The following TENT4B variants were observed in gnomAD, a reference collection of about 807,000 sequenced individuals.
TENT4B encodes terminal nucleotidyltransferase 4B, also known as PAP associated domain containing 5.
A neutral mutation model predicts 75.0 loss-of-function variants in TENT4B; 10 were observed. That is an observed-to-expected ratio of 0.13 (90% confidence interval 0.08 to 0.23). The LOEUF is 0.23. Ranked by LOEUF, TENT4B falls within the 10% of genes least tolerant of loss-of-function variation. The probability of loss-of-function intolerance (pLI) is 1.00; values close to 1 mark genes in which losing one functional copy is unlikely to be tolerated. For missense variants in TENT4B, 579 were observed against 893.8 expected (o/e 0.65, Z 4.49); for synonymous variants, 350 against 357.7 (o/e 0.98, Z 0.24).
chr16:50,177,864 C>T (rs1203170890), intron 1 of TENT4B, among the ~76,000 whole-genome samples: 1 of 152,038 alleles, frequency 6.6e-6, no homozygotes, highest in Non-Finnish European at 1.5e-5. Flanking sequence ...ACAGTTAACA[C>T]TGTACAATTT....
rs367717275 is a variant in TENT4B at position 50,229,999 on chromosome 16, A to T, written c.*671A>T. The stretch of plus-strand genomic sequence containing the variant: ...CATATATAGGGAAGTGATTAGTTCT[A>T]TTACTCAATTTGTTTTTCTCAGCAT... On this transcript the variant is annotated 3_prime_UTR_variant, in exon 12 of 12. Coordinates refer to ENST00000561678, the MANE Select transcript of TENT4B (RefSeq NM_001365324.3). The T allele has an allele frequency of 6.1e-6, 6 of 977,524 alleles. No homozygotes were observed. Among genetic ancestry groups the T allele is most frequent in the East Asian group, 1.1e-4 (1 of 8,770 alleles). The allele number at this position is 977,524 out of a possible 1,614,324, so 60.6% of individuals were successfully genotyped here.
intron 1 of TENT4B, among the ~76,000 whole-genome samples, chr16:50,209,163 T>C (rs1294266751): frequency 6.6e-6 from 1 of 152,090 alleles, no homozygotes; most frequent in African/African-American, 2.4e-5. Context: ...ATTTAGGAGA[T>C]TTTTCCCCCC....
At chr16:50,175,714 C>T (rs535248553) in intron 1 of TENT4B, among the ~76,000 whole-genome samples, 1 of 152,222 alleles carries the variant, frequency 6.6e-6, no homozygotes, top group Admixed American at 6.5e-5. Flanking sequence ...TCGTGATCCG[C>T]CCGCCTCAGC....
chr16:50,172,393 C>T (rs191391664), intron 1 of TENT4B, among the ~76,000 whole-genome samples: 46 of 151,976 alleles, frequency 3.0e-4, no homozygotes, highest in Non-Finnish European at 5.9e-5. Context: ...CCCACCTGTA[C>T]GGTGTGCTGA....
At chr16:50,190,094 C>CAAAGA (rs1007587997) in intron 1 of TENT4B, among the ~76,000 whole-genome samples, 25 of 19,868 alleles carry the variant, frequency 1.3e-3, no homozygotes, top group South Asian at 7.3e-3. Flanking sequence ...AAAAAAAAAA[C>CAAAGA]AAAGAAAAGA....
chr16:50,180,638 G>A (rs1281705173), intron 1 of TENT4B, among the ~76,000 whole-genome samples: 1 of 152,100 alleles, frequency 6.6e-6, no homozygotes, highest in Admixed American at 6.5e-5. Flanking sequence ...TAACTTAGGA[G>A]GTGGAGGTTG....
chr16:50,225,034 G>A, intron 9 of TENT4B, 40 bp downstream of exon 9: 1 of 1,608,838 alleles, frequency 6.2e-7, no homozygotes, highest in Non-Finnish European at 8.5e-7. Flanking sequence ...AGTATTAGAG[G>A]CTTTTCTGTG....
intron 1 of TENT4B, among the ~76,000 whole-genome samples, chr16:50,155,876 A>G (rs967018471): frequency 2.6e-5 from 4 of 152,166 alleles, no homozygotes; most frequent in African/African-American, 9.7e-5. Flanking sequence ...GAAAACCTTG[A>G]AGTTCCTTAA....
intron 5 of TENT4B, among the ~76,000 whole-genome samples, chr16:50,218,351 T>C (rs2031668404): frequency 6.6e-6 from 1 of 151,798 alleles, no homozygotes; most frequent in African/African-American, 2.4e-5. Context: ...TTTTTTCTTT[T>C]TTCGAGGCAG....
chr16:50,221,879 T>C (rs975294132), intron 5 of TENT4B, among the ~76,000 whole-genome samples: 2 of 152,220 alleles, frequency 1.3e-5, no homozygotes, highest in Admixed American at 6.5e-5. Context: ...TTCTCCTGCC[T>C]CAGCCTCCCA....
At chr16:50,176,115 C>A (rs1459871976) in intron 1 of TENT4B, among the ~76,000 whole-genome samples, 1 of 147,972 alleles carries the variant, frequency 6.8e-6, no homozygotes, top group Admixed American at 6.8e-5. Context: ...TTGAGACAGT[C>A]TTACTCTGTT....
At chr16:50,224,533 T>C in intron 7 of TENT4B, 124 bp from the exon 8 acceptor site, 1 of 1,226,846 alleles carries the variant, frequency 8.2e-7, no homozygotes, top group Non-Finnish European at 1.1e-6. Flanking sequence ...AGCTCACAGC[T>C]CAGCTTCCAG....
chr16:50,198,119 T>A (rs1326982818), intron 1 of TENT4B, among the ~76,000 whole-genome samples: 13 of 134,136 alleles, frequency 9.7e-5, no homozygotes, highest in Non-Finnish European at 9.4e-5. Context: ...AAAATATAAT[T>A]AAAAAAAAAA....
At chr16:50,219,469 T>C (rs548401760) in intron 5 of TENT4B, among the ~76,000 whole-genome samples, 1 of 152,326 alleles carries the variant, frequency 6.6e-6, no homozygotes, top group Admixed American at 6.5e-5. Flanking sequence ...TTAGCAGTTC[T>C]TCAGTATTGT....
At chr16:50,170,579 C>G (rs543613753) in intron 1 of TENT4B, among the ~76,000 whole-genome samples, 7 of 152,336 alleles carry the variant, frequency 4.6e-5, no homozygotes, top group African/African-American at 1.7e-4. Flanking sequence ...CCGCACTCAG[C>G]CTCTAGGTCA....
At chr16:50,217,850 C>T (rs1381418800) in intron 5 of TENT4B, among the ~76,000 whole-genome samples, 187 bp downstream of exon 5, 1 of 151,642 alleles carries the variant, frequency 6.6e-6, no homozygotes, top group African/African-American at 2.4e-5. Flanking sequence ...GCTGCAGCCT[C>T]AAACTCCTGG....
intron 5 of TENT4B, among the ~76,000 whole-genome samples, chr16:50,220,307 T>A (rs1399162097): frequency 1.3e-5 from 2 of 151,752 alleles, no homozygotes; most frequent in Non-Finnish European, 2.9e-5. Flanking sequence ...TTTTATTTTT[T>A]AAGTAGAGAT....
chr16:50,194,701 C>A (rs2030095326), intron 1 of TENT4B, among the ~76,000 whole-genome samples: 2 of 151,682 alleles, frequency 1.3e-5, no homozygotes, highest in Non-Finnish European at 1.5e-5. Flanking sequence ...TCCTTTCCCC[C>A]ACAGTAGCTG....
At chr16:50,221,726 A>C (rs1479948402) in intron 5 of TENT4B, among the ~76,000 whole-genome samples, 1 of 151,418 alleles carries the variant, frequency 6.6e-6, no homozygotes, top group Non-Finnish European at 1.5e-5. Flanking sequence ...AATGAGCATC[A>C]TCAGTTACAT....
Sources: allele counts gnomAD v4.1 joint callset (sites outside exome capture counted in the v4.1 genomes callset), GRCh38; gene constraint gnomAD v4.1.1; transcripts MANE v1.5; gene names NCBI Gene and HGNC (gene_info 2026-07-23, HGNC 2026-07-21).